The following DCC variants were observed in gnomAD, a reference collection of about 807,000 sequenced individuals.
The protein encoded by DCC is DCC netrin 1 receptor.
In DCC, 58 loss-of-function variants were observed where a neutral mutation model predicts 172.5. The ratio of observed to expected loss-of-function variants is 0.34; its 90% CI spans 0.27 to 0.42. The LOEUF (loss-of-function observed/expected upper bound fraction) is 0.42. DCC is among the 10% of genes least tolerant of loss of function. The probability of loss-of-function intolerance (pLI) is 1.00; values close to 1 mark genes in which losing one functional copy is unlikely to be tolerated. For missense variants in DCC, 1,740 were observed against 1,791.0 expected (o/e 0.97, Z 0.51); for synonymous variants, 709 against 644.5 (o/e 1.10, Z -1.52).
intron 1 of DCC, among the ~76,000 whole-genome samples, chr18:52,452,557 C>T (rs1988338176): frequency 1.3e-5 from 2 of 152,320 alleles, no homozygotes; most frequent in Non-Finnish European, 1.5e-5. Flanking sequence ...GATGCTTTTA[C>T]ATCTGGAGCA....
chr18:53,368,311 G>A (rs1463107865), intron 15 of DCC, among the ~76,000 whole-genome samples: 1 of 152,084 alleles, frequency 6.6e-6, no homozygotes, highest in Non-Finnish European at 1.5e-5. Context: ...GAGTTTAGGA[G>A]TTCACTATGT....
intron 7 of DCC, among the ~76,000 whole-genome samples, chr18:53,134,828 C>T (rs2043715759): frequency 6.6e-6 from 1 of 152,146 alleles, no homozygotes; most frequent in South Asian, 2.1e-4. Flanking sequence ...GCAAGAGTGA[C>T]AGTCTTCACC....
chr18:53,530,866 C>T lies in DCC; in HGVS notation c.*213C>T. ...ATTGTCAAATGATGATTATGAGTTC[C>T]CTAAACAAAAGCAAAGATGCATTTT... On this transcript the variant is annotated 3_prime_UTR_variant, in exon 29 of 29. Coordinates refer to ENST00000442544, the MANE Select transcript of DCC (RefSeq NM_005215.4). The T allele has an allele frequency of 1.6e-6, 1 of 624,216 alleles. No individual in the cohort carries two copies. The highest frequency in any genetic ancestry group is 2.9e-6 in the Non-Finnish European group (1 of 347,552). The allele number at this position is 624,216 out of a possible 1,614,324, so 38.7% of individuals were successfully genotyped here.
chr18:52,545,505 G>A (rs62081342), intron 1 of DCC, among the ~76,000 whole-genome samples: 8,502 of 152,214 alleles, frequency 0.056, 306 homozygotes, highest in Non-Finnish European at 0.08. Flanking sequence ...CTTTTGTTAT[G>A]GGAAAAAACA....
At chr18:53,309,059 A>G (rs1482526148) in intron 13 of DCC, among the ~76,000 whole-genome samples, 4 of 151,354 alleles carry the variant, frequency 2.6e-5, no homozygotes, top group African/African-American at 9.7e-5. Context: ...TTTTTTTGAG[A>G]CAGGGTTTTG....
At chr18:53,226,930 G>GTATGTA (rs1290601706) in intron 12 of DCC, among the ~76,000 whole-genome samples, 2 of 48,602 alleles carry the variant, frequency 4.1e-5, no homozygotes, top group Admixed American at 5.2e-4. Context: ...GTGTGTGTGT[G>GTATGTA]TGTGTATATA....
chr18:53,437,363 G>A (rs1440517101), intron 22 of DCC, among the ~76,000 whole-genome samples: 4 of 151,942 alleles, frequency 2.6e-5, no homozygotes, highest in African/African-American at 4.8e-5. Flanking sequence ...GGCAGATCAC[G>A]AGGTCAGGAA....
chr18:53,455,163 C>G (rs1347180116), intron 23 of DCC, among the ~76,000 whole-genome samples: 1 of 152,190 alleles, frequency 6.6e-6, no homozygotes, highest in Non-Finnish European at 1.5e-5. Flanking sequence ...CCCCCAAACC[C>G]CTGGTGGGTC....
At chr18:53,409,567 A>G (rs555046677) in intron 19 of DCC, among the ~76,000 whole-genome samples, 1 of 152,282 alleles carries the variant, frequency 6.6e-6, no homozygotes, top group African/African-American at 2.4e-5. Context: ...TTGTTGATTA[A>G]TGTTTTTAAA....
At chr18:53,245,287 A>C (rs1299862658) in intron 12 of DCC, among the ~76,000 whole-genome samples, 1 of 152,118 alleles carries the variant, frequency 6.6e-6, no homozygotes, top group Non-Finnish European at 1.5e-5. Flanking sequence ...TTTGGAATCT[A>C]AGTCCGATAA....
At chr18:52,523,163 T>C (rs1362495491) in intron 1 of DCC, among the ~76,000 whole-genome samples, 1 of 152,198 alleles carries the variant, frequency 6.6e-6, no homozygotes, top group Non-Finnish European at 1.5e-5. Context: ...TACTGGGCCT[T>C]AGTTTCTCAC....
chr18:52,998,410 G>A (rs934598437), intron 5 of DCC, among the ~76,000 whole-genome samples: 10 of 152,024 alleles, frequency 6.6e-5, no homozygotes, highest in Admixed American at 1.3e-4. Context: ...AGAATGCATC[G>A]CTCTAGACAC....
intron 15 of DCC, among the ~76,000 whole-genome samples, chr18:53,369,022 G>T (rs2058033376): frequency 6.6e-6 from 1 of 151,908 alleles, no homozygotes; most frequent in Non-Finnish European, 1.5e-5. Flanking sequence ...AAAACACATT[G>T]GGTTGTACTG....
chr18:52,937,098 G>A (rs1312806467), intron 5 of DCC, among the ~76,000 whole-genome samples: 7 of 152,082 alleles, frequency 4.6e-5, no homozygotes, highest in African/African-American at 1.7e-4. Flanking sequence ...ACCAGATGGT[G>A]TTTTAAACCA....
chr18:53,075,413 G>A (rs1202543042), intron 7 of DCC, among the ~76,000 whole-genome samples: 1 of 152,090 alleles, frequency 6.6e-6, no homozygotes, highest in Admixed American at 6.6e-5. Flanking sequence ...AATTAGAAAT[G>A]AATTCTGCAG....
intron 7 of DCC, among the ~76,000 whole-genome samples, chr18:53,092,305 C>G (rs192800711): frequency 6.6e-6 from 1 of 152,010 alleles, no homozygotes; most frequent in Non-Finnish European, 1.5e-5. Flanking sequence ...ATTTGGGAAC[C>G]GAAGTCGTAA....
chr18:52,947,633 T>G (rs569650943), intron 5 of DCC, among the ~76,000 whole-genome samples: 1 of 152,292 alleles, frequency 6.6e-6, no homozygotes, highest in Admixed American at 6.5e-5. Flanking sequence ...TTTAAATGTT[T>G]TAGCATTTTC....
rs201585237 is a variant in DCC at position 53,328,047 on chromosome 18, CA to C, written c.2164+5895del. ...CACATAAGGAGCATAGCAGGCAAAG[CA>C]AAAACTGATTTTTAAAAGCAATATG... On this transcript the variant is annotated intron_variant, in intron 14 of 28. Transcript: ENST00000442544. 9.0e-3 allele frequency among the ~76,000 whole-genome samples: 1,377 copies of C among 152,198 alleles called. 6 individuals are homozygous for C. Among genetic ancestry groups the C allele is most frequent in the Middle Eastern group, 0.051 (15 of 292 alleles).
intron 7 of DCC, among the ~76,000 whole-genome samples, chr18:53,075,543 ATTTTT>A (rs145928746): frequency 1.4e-5 from 2 of 141,082 alleles, no homozygotes. Flanking sequence ...GTGTTATCCC[ATTTTT>A]TTTTTTTTTT....
Sources: gnomAD v4.1 joint callset for allele counts (sites outside exome capture counted in the v4.1 genomes callset) on GRCh38, gnomAD v4.1.1 for gene constraint, MANE v1.5 for transcripts, NCBI Gene and HGNC (gene_info 2026-07-23, HGNC 2026-07-21) for gene names.